Variants in STK3 observed in about 807,000 individuals in gnomAD.
STK3 encodes the protein serine/threonine kinase 3.
A neutral mutation model predicts 58.0 loss-of-function variants in STK3; 41 were observed. The ratio of observed to expected loss-of-function variants is 0.71; its 90% CI spans 0.55 to 0.92. STK3 has a LOEUF of 0.92. STK3 is among the 40% of genes least tolerant of loss of function. STK3 has a pLI of 0.00. For synonymous variants in STK3, 170 were observed against 191.0 expected (o/e 0.89, Z 0.91); for missense variants, 479 against 602.7 (o/e 0.79, Z 2.15).
intron 7 of STK3, among the ~76,000 whole-genome samples, chr8:98,585,344 A>G (rs1023003244): frequency 1.3e-5 from 2 of 152,196 alleles, no homozygotes; most frequent in African/African-American, 4.8e-5. Flanking sequence ...ACCATTTATT[A>G]AATAGGGAAT....
At position 98,900,373 on chromosome 8, in the gene STK3, G is replaced by T. The variant is rs117248253; in HGVS notation, c.-78-16539C>A. On this transcript the variant is annotated intron_variant, in intron 1 of 1. Coordinates refer to the STK3 transcript ENST00000519420. ...TGAGATTACAGGCGTGAGCCACCAT[G>T]CCCAGCCTTCAGTCTGCTTTTTAAA... Among the ~76,000 whole-genome samples, 1,370 of 152,062 alleles carry T rather than the reference G, an allele frequency of 9.0e-3. 10 individuals are homozygous for T. The highest frequency in any genetic ancestry group is 0.014 in the Non-Finnish European group (958 of 67,970).
chr8:98,559,064 C>A (rs1440074597), intron 8 of STK3, among the ~76,000 whole-genome samples: 2 of 152,078 alleles, frequency 1.3e-5, no homozygotes, highest in East Asian at 3.9e-4. Context: ...ATTTTTCACA[C>A]ATTTGACTTA....
At chr8:98,804,620 T>G (rs956333511) in intron 1 of STK3, among the ~76,000 whole-genome samples, 1 of 152,210 alleles carries the variant, frequency 6.6e-6, no homozygotes, top group Non-Finnish European at 1.5e-5. Context: ...TCAACTCAAC[T>G]AGTTATCTCC....
chr8:98,350,680 G>A, the STK3 span, among the ~76,000 whole-genome samples: 5 of 152,330 alleles, frequency 3.3e-5, no homozygotes, highest in East Asian at 9.6e-4. Context: ...TGTGATGGTA[G>A]ACAAGATAAG....
intron 1 of STK3, among the ~76,000 whole-genome samples, chr8:98,813,038 A>T (rs1367797939): frequency 6.6e-5 from 10 of 151,560 alleles, no homozygotes; most frequent in Admixed American, 2.0e-4. Flanking sequence ...AGCACAATAA[A>T]AAAAAAAAAA....
chr8:98,857,530 A>G (rs1836727521), intron 3 of STK3, among the ~76,000 whole-genome samples: 1 of 150,108 alleles, frequency 6.7e-6, no homozygotes, highest in Non-Finnish European at 1.5e-5. Flanking sequence ...TTTCTATCAA[A>G]AGAGCAGAAT....
At chr8:98,423,564 C>T (rs900060336) in intron 3 of STK3, among the ~76,000 whole-genome samples, 5 of 152,160 alleles carry the variant, frequency 3.3e-5, no homozygotes, top group Admixed American at 6.5e-5. Flanking sequence ...GACATGACCT[C>T]GTTTGTGTTT....
intron 3 of STK3, among the ~76,000 whole-genome samples, chr8:98,409,208 C>A (rs998323418): frequency 6.6e-6 from 1 of 152,192 alleles, no homozygotes; most frequent in African/African-American, 2.4e-5. Flanking sequence ...CTTGGAGCAT[C>A]TAAATTCACC....
rs527540501 is a variant in STK3, at chr8:98,850,825, A to C, written c.110+32822T>G. On this transcript the variant is annotated intron_variant, in intron 3 of 12. Coordinates refer to the STK3 transcript ENST00000523601. ...CCTGGGGCAGTGGAAGGGTTTAAAC[A>C]GGAGAGTGTCATGATCAGAGCCGCA... Among the ~76,000 whole-genome samples, 6 of 152,310 alleles carry C rather than the reference A, an allele frequency of 3.9e-5. No homozygotes were observed. In the South Asian group the frequency reaches 8.3e-4, roughly 21 times the overall value.
chr8:98,910,898 G>T (rs1351177297), intron 1 of STK3, among the ~76,000 whole-genome samples: 1 of 152,230 alleles, frequency 6.6e-6, no homozygotes, highest in Non-Finnish European at 1.5e-5. Flanking sequence ...CCCAGGGAGA[G>T]CATAGGTGAA....
chr8:98,684,470 G>A (rs1430191946), intron 6 of STK3, among the ~76,000 whole-genome samples: 2 of 152,090 alleles, frequency 1.3e-5, no homozygotes, highest in African/African-American at 2.4e-5. Context: ...AATATTAAAC[G>A]GGCATCCTCT....
chr8:98,369,362 A>G (rs571613694), downstream of STK3, among the ~76,000 whole-genome samples: 1 of 152,268 alleles, frequency 6.6e-6, no homozygotes, highest in South Asian at 2.1e-4. Flanking sequence ...CTCCCCACAA[A>G]AGCAATGTAT....
Position 98,547,961 on chromosome 8 carries a change from C to T in STK3, c.1141+8G>A, listed in dbSNP as rs1316322487. 1 of 1,552,326 alleles carries T rather than the reference C, an allele frequency of 6.4e-7. No individual in the cohort carries two copies. The highest frequency in any genetic ancestry group is 2.0e-5 in the Admixed American group (1 of 51,134). ...AAAACTAATATTTAATGTAAAAAAGCCACATACTTTTCATAGTTCCATCTT... is the reference window on the plus strand; with the variant it reads ...AAAACTAATATTTAATGTAAAAAAGTCACATACTTTTCATAGTTCCATCTT... On this transcript the variant is annotated splice_region_variant and intron_variant, in intron 9 of 10. Transcript: ENST00000419617.
intron 7 of STK3, among the ~76,000 whole-genome samples, chr8:98,585,157 T>C (rs1419956922): frequency 1.1e-4 from 17 of 152,060 alleles, no homozygotes. Flanking sequence ...GTTTTAGACA[T>C]GAAGGCCTTG....
intron 4 of STK3, among the ~76,000 whole-genome samples, chr8:98,745,094 C>A (rs1019443610): frequency 6.6e-6 from 1 of 152,160 alleles, no homozygotes; most frequent in Non-Finnish European, 1.5e-5. Context: ...GCATAGACAA[C>A]CCCTCATAAA....
intron 4 of STK3, among the ~76,000 whole-genome samples, chr8:98,738,461 G>A (rs565976270): frequency 2.6e-4 from 39 of 152,038 alleles, no homozygotes; most frequent in African/African-American, 7.0e-4. Flanking sequence ...GAACAAGAAC[G>A]AAACTCCGAC....
intron 6 of STK3, among the ~76,000 whole-genome samples, chr8:98,665,707 A>ATTT (rs373663162): frequency 0.039 from 5,404 of 138,898 alleles, 165 homozygotes; most frequent in Non-Finnish European, 0.062. Context: ...ACCCATCCTG[A>ATTT]TTTTTTTTTT....
At chr8:98,435,780 A>C (rs1818464203) in intron 2 of STK3, among the ~76,000 whole-genome samples, 1 of 152,118 alleles carries the variant, frequency 6.6e-6, no homozygotes, top group African/African-American at 2.4e-5. Context: ...GCGGGTGTGC[A>C]GTGGGCAGAG....
intron 3 of STK3, among the ~76,000 whole-genome samples, chr8:98,402,576 G>A (rs999973066): frequency 9.2e-5 from 14 of 152,186 alleles, no homozygotes; most frequent in African/African-American, 2.7e-4. Context: ...CCTCCGGGAC[G>A]GAGGGGGCCC....
Sources: gnomAD v4.1 joint callset for allele counts (sites outside exome capture counted in the v4.1 genomes callset) on GRCh38, gnomAD v4.1.1 for gene constraint, MANE v1.5 for transcripts, NCBI Gene and HGNC (gene_info 2026-07-23, HGNC 2026-07-21) for gene names.